Variants in ZDHHC17 observed in about 807,000 individuals in gnomAD.
The protein encoded by ZDHHC17 is palmitoyltransferase ZDHHC17.
Under a neutral mutation model 90.3 loss-of-function variants are expected in ZDHHC17, and 40 were observed. The ratio of observed to expected loss-of-function variants is 0.44; its 90% CI spans 0.34 to 0.58. ZDHHC17 has a LOEUF of 0.58. Among genes scored for constraint, ZDHHC17 ranks in the 20% least tolerant of loss-of-function variants. The probability of loss-of-function intolerance (pLI) is 0.01; values close to 1 mark genes in which losing one functional copy is unlikely to be tolerated. For missense variants in ZDHHC17, 614 were observed against 780.8 expected, an observed-to-expected ratio of 0.79 and a Z score of 2.55; for synonymous variants, 235 against 252.4, an observed-to-expected ratio of 0.93 and a Z score of 0.65.
At position 76,853,695 on chromosome 12, in the gene ZDHHC17, A is replaced by C. The variant is rs1953590419; in HGVS notation, c.*2710A>C. The C allele has an allele frequency of 6.6e-6, 1 of 152,384 alleles. No individual in the cohort carries two copies. The highest frequency in any genetic ancestry group is 6.6e-5 in the Admixed American group (1 of 15,256). 9.4% of individuals were successfully genotyped at this position (152,384 alleles called of 1,614,324 possible). On this transcript the variant is annotated 3_prime_UTR_variant, in exon 17 of 17. Coordinates refer to ENST00000426126, the MANE Select transcript of ZDHHC17 (RefSeq NM_015336.4). ...TTAATCAGAATAAATACTGACTCTT[A>C]AGTGTGTGCTTATGATTTCACTCAA...
chr12:76,809,918 A>T, intron 5 of ZDHHC17, 61 bp downstream of exon 5: 1 of 1,535,036 alleles, frequency 6.5e-7, no homozygotes, highest in African/African-American at 1.4e-5. Flanking sequence ...TAAATGCCTA[A>T]TATTATTGGT....
In ZDHHC17 at chr12:76,833,498, A is replaced by T. The variant is rs1953328512; in HGVS notation, c.1141+5008A>T. Among the ~76,000 whole-genome samples, 8 of 152,246 alleles carry T rather than the reference A, an allele frequency of 5.3e-5. No individual in the cohort carries two copies. The South Asian group carries it at 1.7e-3, about 31-fold the overall frequency. Reference sequence around the variant, plus strand: ...GAAGCCTCTAGAATGATCTTTAAAAATACCCTTTAATTGGCCGGGCATGGT... The same window carrying T: ...GAAGCCTCTAGAATGATCTTTAAAATTACCCTTTAATTGGCCGGGCATGGT... On this transcript the variant is annotated intron_variant, in intron 10 of 16. Transcript: ENST00000426126.
At chr12:76,822,666 T>C (rs1013896977) in intron 8 of ZDHHC17, 135 bp downstream of exon 8, 25 of 683,358 alleles carry the variant, frequency 3.7e-5, no homozygotes, top group Non-Finnish European at 6.2e-5. Flanking sequence ...GTGATTCTTG[T>C]GCCTCAGCCT....
chr12:76,842,112 A>T lies in ZDHHC17; in HGVS notation c.1266+6A>T. On this transcript the variant is annotated splice_donor_region_variant and intron_variant, in intron 11 of 16. Coordinates refer to ENST00000426126, the MANE Select transcript of ZDHHC17 (RefSeq NM_015336.4). ...CAGAAGAGCAAAAGAAAAAGGTAGC[A>T]AAATACCAACTAAGTCACTTGTATT... 1 of 1,561,498 alleles carries T rather than the reference A, an allele frequency of 6.4e-7. No individual in the cohort carries two copies. Among genetic ancestry groups the T allele is most frequent in the Non-Finnish European group, 8.6e-7 (1 of 1,156,782 alleles).
intron 2 of ZDHHC17, among the ~76,000 whole-genome samples, chr12:76,802,736 A>G (rs1177905356): frequency 6.6e-6 from 1 of 152,154 alleles, no homozygotes; most frequent in African/African-American, 2.4e-5. Flanking sequence ...CTTTGAATCC[A>G]TATAATGACT....
chr12:76,808,908 A>G (rs1278280704), intron 3 of ZDHHC17, 135 bp from the exon 4 acceptor site: 2 of 462,294 alleles, frequency 4.3e-6, no homozygotes, highest in African/African-American at 4.1e-5. Flanking sequence ...AAACAACCAC[A>G]AAAGATTATT....
chr12:76,791,964 T>C (rs117186192), intron 1 of ZDHHC17, among the ~76,000 whole-genome samples: 1,678 of 152,172 alleles, frequency 0.011, 11 homozygotes, highest in Non-Finnish European at 0.017. Flanking sequence ...GTTTCCATGC[T>C]CTCTCCAGGC....
At chr12:76,802,252 C>T (rs779135600) in intron 2 of ZDHHC17, among the ~76,000 whole-genome samples, 5 of 152,152 alleles carry the variant, frequency 3.3e-5, no homozygotes, top group African/African-American at 9.7e-5. Flanking sequence ...TTTCTTTTAG[C>T]GCTTTGGATA....
At chr12:76,788,975 G>T (rs966338462) in intron 1 of ZDHHC17, among the ~76,000 whole-genome samples, 1 of 152,028 alleles carries the variant, frequency 6.6e-6, no homozygotes, top group Admixed American at 6.6e-5. Context: ...GGGATTATAG[G>T]CATGAGCCAC....
At chr12:76,815,677 A>T (rs1242593035) in intron 6 of ZDHHC17, among the ~76,000 whole-genome samples, 180 bp from the exon 7 acceptor site, 1 of 151,924 alleles carries the variant, frequency 6.6e-6, no homozygotes, top group Non-Finnish European at 1.5e-5. Context: ...GGTGTCATAC[A>T]TACTTAATAC....
chr12:76,770,877 TG>T (rs1334378220), intron 1 of ZDHHC17, among the ~76,000 whole-genome samples: 1 of 142,364 alleles, frequency 7.0e-6, no homozygotes, highest in Non-Finnish European at 1.5e-5. Context: ...GCAGAGGTTG[TG>T]AGCTAAGATC....
chr12:76,780,345 A>C (rs1159885976), intron 1 of ZDHHC17, among the ~76,000 whole-genome samples: 1 of 152,160 alleles, frequency 6.6e-6, no homozygotes, highest in Non-Finnish European at 1.5e-5. Context: ...GATACTGTAC[A>C]TGTTTGGTTA....
intron 2 of ZDHHC17, among the ~76,000 whole-genome samples, chr12:76,802,799 A>G (rs1011113708): frequency 2.0e-5 from 3 of 152,026 alleles, no homozygotes; most frequent in African/African-American, 7.3e-5. Flanking sequence ...CTTTTTAGGT[A>G]TTTTATCTTT....
At chr12:76,849,332 A>AAAC in intron 15 of ZDHHC17, 44 bp from the exon 16 acceptor site, 1 of 1,076,346 alleles carries the variant, frequency 9.3e-7, no homozygotes, top group Non-Finnish European at 1.3e-6. Flanking sequence ...TCAAAAAAAA[A>AAAC]AAAAAAAAAC....
chr12:76,781,610 C>A (rs1397695952), intron 1 of ZDHHC17: 3 of 455,904 alleles, frequency 6.6e-6, no homozygotes, highest in Non-Finnish European at 1.3e-5. Flanking sequence ...CACCTTCTAC[C>A]ATGGGATGAT....
intron 8 of ZDHHC17, among the ~76,000 whole-genome samples, chr12:76,824,447 A>G (rs1163598939): frequency 1.3e-5 from 2 of 152,160 alleles, no homozygotes; most frequent in Admixed American, 6.5e-5. Flanking sequence ...GAGATTAAGC[A>G]TCTGTAATTA....
chr12:76,776,145 A>C (rs1322310913), intron 1 of ZDHHC17, among the ~76,000 whole-genome samples: 2 of 152,194 alleles, frequency 1.3e-5, no homozygotes, highest in African/African-American at 4.8e-5. Context: ...ACTAGAATCT[A>C]GTCTTCTAGC....
chr12:76,849,323 CA>C (rs34062414), intron 15 of ZDHHC17, 52 bp from the exon 16 acceptor site: 22,642 of 451,878 alleles, frequency 0.05, 1 homozygote, highest in South Asian at 0.07. Context: ...GGTCCTGTCT[CA>C]AAAAAAAAAA....
chr12:76,808,398 A>G (rs1161065921), intron 3 of ZDHHC17, among the ~76,000 whole-genome samples: 4 of 152,228 alleles, frequency 2.6e-5, no homozygotes, highest in East Asian at 1.9e-4. Flanking sequence ...TGGGAGTCCA[A>G]AGTAGGAGGA....
Sources: allele counts gnomAD v4.1 joint callset (sites outside exome capture counted in the v4.1 genomes callset), GRCh38; gene constraint gnomAD v4.1.1; transcripts MANE v1.5; gene names NCBI Gene and HGNC (gene_info 2026-07-23, HGNC 2026-07-21).